The following ITCH variants were observed in gnomAD, a reference collection of about 807,000 sequenced individuals.
ITCH encodes E3 ubiquitin-protein ligase Itchy homolog.
Under a neutral mutation model 126.8 loss-of-function variants are expected in ITCH, and 28 were observed. That is an observed-to-expected ratio of 0.22 (90% CI 0.16 to 0.30). The LOEUF is 0.30. ITCH is among the 10% of genes least tolerant of loss of function. ITCH has a pLI of 1.00. For missense variants in ITCH, 631 were observed against 1,032.4 expected (o/e 0.61, Z 5.33); for synonymous variants, 342 against 340.0 (o/e 1.01, Z -0.06).
intron 16 of ITCH, among the ~76,000 whole-genome samples, chr20:34,473,443 C>T (rs186500656): frequency 2.3e-4 from 35 of 152,328 alleles, no homozygotes; most frequent in Non-Finnish European, 4.4e-4. Flanking sequence ...GCTGCTCACC[C>T]TGGAGCCCCA....
intron 20 of ITCH, among the ~76,000 whole-genome samples, chr20:34,484,001 A>G (rs1988939923): frequency 6.6e-6 from 1 of 152,130 alleles, no homozygotes; most frequent in Non-Finnish European, 1.5e-5. Flanking sequence ...AAACCATCAG[A>G]TCTTGTGAGA....
intron 7 of ITCH, among the ~76,000 whole-genome samples, chr20:34,431,171 T>C (rs1238126225): frequency 6.6e-6 from 1 of 152,122 alleles, no homozygotes; most frequent in Non-Finnish European, 1.5e-5. Flanking sequence ...CCAGTGCTTT[T>C]TGGGAGGCCC....
chr20:34,363,878 C>T (rs1257670863), intron 1 of ITCH, among the ~76,000 whole-genome samples: 1 of 152,164 alleles, frequency 6.6e-6, no homozygotes, highest in Non-Finnish European at 1.5e-5. Context: ...CCACTCGCCT[C>T]CTCCTTCCAT....
chr20:34,412,053 A>G (rs1178986729), intron 4 of ITCH, among the ~76,000 whole-genome samples: 3 of 152,206 alleles, frequency 2.0e-5, no homozygotes, highest in Admixed American at 6.5e-5. Flanking sequence ...CTTACTGGCT[A>G]TTTGACCTTA....
In ITCH at chr20:34,438,586, C is replaced by A. The variant is rs1601902249; in HGVS notation, c.634C>A (p.Pro212Thr). ...LSNGGFKPSR[P>T]PRPSRPPPPT... ...AAATGGTGGTTTTAAACCTTCTAGA[C>A]CTCCAAGACCTTCACGACCACCACC... Residue 212 changes from proline (P) to threonine (T), a missense_variant, in exon 8 of 25, where the codon CCT becomes ACT. Pro to Thr is a conservative substitution (Grantham distance 38). Coordinates refer to ENST00000374864, the MANE Select transcript of ITCH (RefSeq NM_031483.7). 1 of 1,613,936 alleles carries A rather than the reference C, an allele frequency of 6.2e-7. No homozygotes were observed. Among genetic ancestry groups the A allele is most frequent in the Admixed American group, 1.7e-5 (1 of 59,970 alleles).
chr20:34,426,448 TG>T (rs1387562618), intron 7 of ITCH, among the ~76,000 whole-genome samples: 6 of 152,062 alleles, frequency 3.9e-5, no homozygotes, highest in Non-Finnish European at 7.4e-5. Flanking sequence ...TTTTTTGTTT[TG>T]TTTTTTTGTT....
chr20:34,454,694 GAAATA>G (rs1347052252), intron 12 of ITCH: 3 of 151,700 alleles, frequency 2.0e-5, no homozygotes, highest in Non-Finnish European at 2.9e-5. Context: ...AATTATATTG[GAAATA>G]AAATTAAATA....
intron 13 of ITCH, among the ~76,000 whole-genome samples, 161 bp downstream of exon 13, chr20:34,457,635 G>A (rs1206319858): frequency 6.6e-6 from 1 of 152,142 alleles, no homozygotes; most frequent in Non-Finnish European, 1.5e-5. Context: ...TCATCTAATG[G>A]AAAGTTTGAA....
chr20:34,472,661 G>T (rs1264888846), intron 16 of ITCH, among the ~76,000 whole-genome samples: 1 of 152,236 alleles, frequency 6.6e-6, no homozygotes. Context: ...GTTGGTGGTA[G>T]CTGGCTACTT....
intron 3 of ITCH, chr20:34,402,564 A>G: frequency 1.4e-6 from 1 of 720,020 alleles, no homozygotes; most frequent in Admixed American, 1.8e-5. Flanking sequence ...GTCCAAGAGT[A>G]TATGGTTCTC....
At chr20:34,455,670 G>A (rs1465916895) in intron 12 of ITCH, among the ~76,000 whole-genome samples, 1 of 150,308 alleles carries the variant, frequency 6.7e-6, no homozygotes, top group East Asian at 2.0e-4. Context: ...TAGAGACGGG[G>A]TTTCACCATG....
At chr20:34,382,060 A>G (rs915259194) in intron 2 of ITCH, among the ~76,000 whole-genome samples, 1 of 152,142 alleles carries the variant, frequency 6.6e-6, no homozygotes, top group Non-Finnish European at 1.5e-5. Context: ...CTTCTTTGGA[A>G]TAGTATTTCT....
intron 6 of ITCH, among the ~76,000 whole-genome samples, chr20:34,419,791 A>G (rs1980512172): frequency 6.6e-6 from 1 of 151,936 alleles, no homozygotes; most frequent in African/African-American, 2.4e-5. Flanking sequence ...AGTAGCTGGG[A>G]CTACAGGCCT....
Position 34,406,780 on chromosome 20 carries a change from C to T in ITCH, c.71-1871C>T, listed in dbSNP as rs551454936. Among the ~76,000 whole-genome samples the T allele has an allele frequency of 3.9e-5, 6 of 152,054 alleles. No individual in the cohort carries two copies. In the East Asian group the frequency reaches 5.8e-4, roughly 15 times the overall value. On this transcript the variant is annotated intron_variant, in intron 3 of 24. Transcript: ENST00000374864. ...CGATCTCCTGACCTCGTGATCCGCC[C>T]GTCTCAGTCTCCCAAAGTGCTGGGA...
At chr20:34,484,098 G>A (rs913334009) in intron 20 of ITCH, among the ~76,000 whole-genome samples, 2 of 152,130 alleles carry the variant, frequency 1.3e-5, no homozygotes, top group Non-Finnish European at 2.9e-5. Context: ...TAACACATAG[G>A]AATTATGGGA....
At chr20:34,383,669 G>A (rs979538660) in intron 2 of ITCH, among the ~76,000 whole-genome samples, 1 of 151,080 alleles carries the variant, frequency 6.6e-6, no homozygotes, top group Non-Finnish European at 1.5e-5. Context: ...ACTGTGCCTG[G>A]CTGATATATA....
intron 2 of ITCH, among the ~76,000 whole-genome samples, chr20:34,389,956 A>C (rs942003055): frequency 1.3e-5 from 2 of 152,076 alleles, no homozygotes; most frequent in Non-Finnish European, 2.9e-5. Flanking sequence ...CCCCATCTCT[A>C]CTAAAAATAC....
At chr20:34,476,337 G>C (rs982762778) in intron 16 of ITCH, 2 of 1,274,860 alleles carry the variant, frequency 1.6e-6, no homozygotes, top group South Asian at 1.3e-5. Flanking sequence ...TCGCCTCCGC[G>C]CTCCGGCCCG....
At chr20:34,419,778 C>A (rs1935293106) in intron 6 of ITCH, among the ~76,000 whole-genome samples, 1 of 152,184 alleles carries the variant, frequency 6.6e-6, no homozygotes, top group Admixed American at 6.5e-5. Context: ...CCTTAGCCTC[C>A]CGAGTAGCTG....
Sources: allele counts gnomAD v4.1 joint callset (sites outside exome capture counted in the v4.1 genomes callset), GRCh38; gene constraint gnomAD v4.1.1; transcripts MANE v1.5; gene names NCBI Gene and HGNC (gene_info 2026-07-23, HGNC 2026-07-21).